The following RASGRF2 variants were observed in gnomAD, a reference collection of about 807,000 sequenced individuals.
The protein encoded by RASGRF2 is Ras protein specific guanine nucleotide releasing factor 2, also known as ras-specific guanine nucleotide-releasing factor 2.
A neutral mutation model predicts 151.0 loss-of-function variants in RASGRF2; 76 were observed. The ratio of observed to expected loss-of-function variants is 0.50; its 90% CI spans 0.42 to 0.61. RASGRF2 has a LOEUF of 0.61. Among genes scored for constraint, RASGRF2 ranks in the 20% least tolerant of loss-of-function variants. The pLI is 0.00. For synonymous variants in RASGRF2, 504 were observed against 566.5 expected (o/e 0.89, Z 1.57); for missense variants, 1,148 against 1,564.6 (o/e 0.73, Z 4.49).
intron 18 of RASGRF2, among the ~76,000 whole-genome samples, chr5:81,185,175 A>C (rs934842691): frequency 6.6e-6 from 1 of 152,182 alleles, no homozygotes; most frequent in Non-Finnish European, 1.5e-5. Context: ...TTCCAGAGAG[A>C]GGCATCTGTG....
intron 8 of RASGRF2, 120 bp from the exon 9 acceptor site, chr5:81,086,715 A>C (rs1284256087): frequency 7.7e-6 from 6 of 777,974 alleles, no homozygotes; most frequent in Non-Finnish European, 4.1e-6. Context: ...TTTCCCCCAA[A>C]CCCCCGGTTC....
intron 1 of RASGRF2, among the ~76,000 whole-genome samples, chr5:80,989,655 A>G (rs984162304): frequency 1.3e-5 from 2 of 152,180 alleles, no homozygotes; most frequent in Admixed American, 6.5e-5. Flanking sequence ...GATCTGGAAG[A>G]TGGAGATGGA....
intron 17 of RASGRF2, among the ~76,000 whole-genome samples, chr5:81,137,050 A>C (rs1753772044): frequency 6.6e-6 from 1 of 152,092 alleles, no homozygotes; most frequent in South Asian, 2.1e-4. Context: ...CATATTATAG[A>C]TATTTACCTA....
At chr5:81,103,127 C>T (rs1580316890) in intron 12 of RASGRF2, among the ~76,000 whole-genome samples, 3 of 152,032 alleles carry the variant, frequency 2.0e-5, no homozygotes, top group South Asian at 4.2e-4. Flanking sequence ...CAAAGAACCA[C>T]GTAGAAAAAT....
intron 17 of RASGRF2, among the ~76,000 whole-genome samples, chr5:81,161,805 GTTA>G (rs1036607167): frequency 6.6e-6 from 1 of 151,992 alleles, no homozygotes; most frequent in Non-Finnish European, 1.5e-5. Context: ...TAATGAAGAT[GTTA>G]TTAATATAAA....
intron 15 of RASGRF2, among the ~76,000 whole-genome samples, chr5:81,115,970 CAT>C (rs908722625): frequency 2.1e-5 from 3 of 144,058 alleles, no homozygotes; most frequent in African/African-American, 7.6e-5. Flanking sequence ...TGAGCCAAAA[CAT>C]ATGTGGGTTG....
At chr5:81,158,170 G>A (rs1299741189) in intron 17 of RASGRF2, among the ~76,000 whole-genome samples, 4 of 152,168 alleles carry the variant, frequency 2.6e-5, no homozygotes, top group Admixed American at 2.6e-4. Flanking sequence ...TTAGCAAAAA[G>A]ATAGTCATAT....
chr5:81,029,030 C>A (rs942405877), intron 1 of RASGRF2, among the ~76,000 whole-genome samples: 1 of 152,218 alleles, frequency 6.6e-6, no homozygotes, highest in Non-Finnish European at 1.5e-5. Flanking sequence ...GGGTCCCATG[C>A]CCACGGAGCC....
intron 17 of RASGRF2, among the ~76,000 whole-genome samples, chr5:81,159,432 G>A (rs1008739883): frequency 1.4e-4 from 22 of 152,218 alleles, no homozygotes; most frequent in African/African-American, 5.1e-4. Flanking sequence ...GCTGACTCCT[G>A]TGCTCAATGA....
rs984550826 is a variant in RASGRF2 at position 81,205,200 on chromosome 5, C to G, written c.2907-1645C>G. On this transcript the variant is annotated intron_variant, in intron 19 of 26. Coordinates refer to ENST00000265080, the MANE Select transcript of RASGRF2 (RefSeq NM_006909.3). ...CTAAGTGCCGATAAGAGGGCTGCTACTAGTATAATCTAGAAGGCTCCTGCT... is the reference window on the plus strand; with the variant it reads ...CTAAGTGCCGATAAGAGGGCTGCTAGTAGTATAATCTAGAAGGCTCCTGCT... Among the ~76,000 whole-genome samples the G allele has an allele frequency of 1.3e-5, 2 of 152,200 alleles. 1 individual carries two copies. The highest frequency in any genetic ancestry group is 4.8e-5 in the African/African-American group (2 of 41,456).
chr5:81,180,515 C>T (rs111295847), intron 18 of RASGRF2, among the ~76,000 whole-genome samples: 4 of 151,998 alleles, frequency 2.6e-5, no homozygotes, highest in African/African-American at 7.3e-5. Context: ...AACGGGGCTC[C>T]TCTGTCCCTG....
chr5:81,207,036 G>A, intron 20 of RASGRF2, 131 bp downstream of exon 20: 1 of 871,608 alleles, frequency 1.1e-6, no homozygotes, highest in Non-Finnish European at 1.9e-6. Flanking sequence ...AGCTCTGTGA[G>A]ATGAACCACA....
chr5:81,109,607 A>C (rs1466022903), intron 13 of RASGRF2, among the ~76,000 whole-genome samples: 1 of 152,194 alleles, frequency 6.6e-6, no homozygotes, highest in East Asian at 1.9e-4. Flanking sequence ...CAGAGGTTGC[A>C]GTGAGCCGAG....
At chr5:80,964,182 T>C (rs1222793324) in intron 1 of RASGRF2, among the ~76,000 whole-genome samples, 3 of 152,170 alleles carry the variant, frequency 2.0e-5, no homozygotes, top group Non-Finnish European at 4.4e-5. Context: ...CAGCCTTCCA[T>C]AGTGACTACT....
At chr5:81,171,633 G>A (rs1432211462) in intron 17 of RASGRF2, among the ~76,000 whole-genome samples, 1 of 152,034 alleles carries the variant, frequency 6.6e-6, no homozygotes, top group Non-Finnish European at 1.5e-5. Flanking sequence ...GCCTTTCTGA[G>A]TAATATGGAT....
chr5:81,015,723 TTTGA>T (rs1007059621), intron 1 of RASGRF2, among the ~76,000 whole-genome samples: 3 of 152,242 alleles, frequency 2.0e-5, no homozygotes, highest in Admixed American at 2.0e-4. Flanking sequence ...TATATGATAA[TTTGA>T]TTATTATATG....
At chr5:81,193,131 T>C (rs553154251) in intron 18 of RASGRF2, among the ~76,000 whole-genome samples, 4 of 152,364 alleles carry the variant, frequency 2.6e-5, no homozygotes, top group African/African-American at 9.6e-5. Flanking sequence ...CATAATTCTC[T>C]TTAGCCTCAA....
intron 17 of RASGRF2, among the ~76,000 whole-genome samples, chr5:81,168,473 G>A (rs962013319): frequency 2.0e-5 from 3 of 151,936 alleles, no homozygotes; most frequent in Non-Finnish European, 2.9e-5. Flanking sequence ...GCCACGCTCA[G>A]CTAATTTTTG....
intron 15 of RASGRF2, among the ~76,000 whole-genome samples, chr5:81,117,979 G>A (rs1753205741): frequency 6.6e-6 from 1 of 152,196 alleles, no homozygotes; most frequent in South Asian, 2.1e-4. Context: ...ACTGGGGTGG[G>A]GTTGGGTGCC....
Sources: gnomAD v4.1 joint callset for allele counts (sites outside exome capture counted in the v4.1 genomes callset) on GRCh38, gnomAD v4.1.1 for gene constraint, MANE v1.5 for transcripts, NCBI Gene and HGNC (gene_info 2026-07-23, HGNC 2026-07-21) for gene names.